Variants in EDIL3 observed in about 807,000 individuals in gnomAD.
EDIL3 encodes EGF-like repeat and discoidin I-like domain-containing protein 3.
A neutral mutation model predicts 67.4 loss-of-function variants in EDIL3; 37 were observed. The ratio of observed to expected loss-of-function variants is 0.55; its 90% confidence interval spans 0.42 to 0.72. The LOEUF (loss-of-function observed/expected upper bound fraction) is 0.72, where lower values mean the gene tolerates loss of function less well. Ranked by LOEUF, EDIL3 falls within the 30% of genes least tolerant of loss-of-function variation. The pLI, the probability that EDIL3 is intolerant of heterozygous loss-of-function variation, is 0.00. For synonymous variants in EDIL3, 195 were observed against 196.3 expected (o/e 0.99, Z 0.05); for missense variants, 527 against 586.3 (o/e 0.90, Z 1.04).
chr5:83,967,088 C>T (rs984190990), intron 9 of EDIL3, among the ~76,000 whole-genome samples: 3 of 151,942 alleles, frequency 2.0e-5, no homozygotes, highest in Non-Finnish European at 4.4e-5. Flanking sequence ...TTTGGGAGGC[C>T]GAGAGGCAGA....
At chr5:84,064,909 C>A in intron 7 of EDIL3, 65 bp from the exon 8 acceptor site, 1 of 1,454,268 alleles carries the variant, frequency 6.9e-7, no homozygotes, top group South Asian at 1.6e-5. Flanking sequence ...ACATATTTAC[C>A]CTATCTATAC....
At chr5:83,996,190 T>C (rs757086389) in intron 9 of EDIL3, among the ~76,000 whole-genome samples, 13 of 152,206 alleles carry the variant, frequency 8.5e-5, no homozygotes, top group East Asian at 1.9e-4. Context: ...TATAATAATA[T>C]TGGACACAAA....
At chr5:84,359,814 G>A (rs1033319215) in intron 1 of EDIL3, among the ~76,000 whole-genome samples, 5 of 152,144 alleles carry the variant, frequency 3.3e-5, no homozygotes, top group Admixed American at 1.3e-4. Context: ...ACAGTCTATG[G>A]GGCAGGTGTA....
chr5:84,184,555 C>T (rs1302040743), intron 3 of EDIL3, among the ~76,000 whole-genome samples: 2 of 152,102 alleles, frequency 1.3e-5, no homozygotes, highest in Non-Finnish European at 2.9e-5. Context: ...CTGCTAAACA[C>T]ACAAGCCTGT....
At chr5:84,252,287 C>A (rs1049979453) in intron 2 of EDIL3, among the ~76,000 whole-genome samples, 1 of 151,802 alleles carries the variant, frequency 6.6e-6, no homozygotes, top group Admixed American at 6.6e-5. Context: ...CTCAGGAAAT[C>A]GAGATCATCC....
intron 3 of EDIL3, among the ~76,000 whole-genome samples, chr5:84,188,753 C>T (rs1743518833): frequency 6.6e-6 from 1 of 152,022 alleles, no homozygotes; most frequent in South Asian, 2.1e-4. Context: ...AGTGATTCTG[C>T]CACACAGAGG....
Position 84,345,775 on chromosome 5 carries a change from T to C in EDIL3, c.67+38533A>G, listed in dbSNP as rs935417632. On this transcript the variant is annotated intron_variant, in intron 1 of 10. Transcript: ENST00000296591. ...TTAACCAAGCATTTTTGCAAAACTT[T>C]CAAAAAAGAAAACGTAGTCAAAGGC... Among the ~76,000 whole-genome samples the C allele has an allele frequency of 5.3e-5, 8 of 152,138 alleles. No homozygotes were observed. The South Asian group carries it at 1.2e-3, about 24-fold the overall frequency.
At chr5:84,127,250 T>C (rs1213576645) in intron 5 of EDIL3, among the ~76,000 whole-genome samples, 1 of 152,110 alleles carries the variant, frequency 6.6e-6, no homozygotes, top group African/African-American at 2.4e-5. Flanking sequence ...TAGTATTGGA[T>C]TTACTGACTT....
chr5:83,966,229 G>A (rs1240691122), intron 9 of EDIL3, among the ~76,000 whole-genome samples: 4 of 152,070 alleles, frequency 2.6e-5, no homozygotes, highest in Non-Finnish European at 4.4e-5. Context: ...TGGCTCATGG[G>A]TAGACATTTG....
chr5:84,310,946 C>T (rs908359480), intron 1 of EDIL3, among the ~76,000 whole-genome samples: 1 of 152,088 alleles, frequency 6.6e-6, no homozygotes, highest in African/African-American at 2.4e-5. Flanking sequence ...CTTTTGCCTG[C>T]TCCTGGATTT....
At chr5:84,030,932 T>C (rs1745909830) in intron 9 of EDIL3, among the ~76,000 whole-genome samples, 3 of 152,016 alleles carry the variant, frequency 2.0e-5, no homozygotes, top group Admixed American at 6.6e-5. Flanking sequence ...AACAACATTT[T>C]TTTTTCTCAC....
intron 9 of EDIL3, among the ~76,000 whole-genome samples, chr5:84,006,111 G>A (rs1347656627): frequency 1.6e-5 from 2 of 126,920 alleles, no homozygotes; most frequent in African/African-American, 3.6e-5. Context: ...AATAATAATA[G>A]TAAAATATCT....
intron 6 of EDIL3, among the ~76,000 whole-genome samples, chr5:84,088,731 G>A (rs1561427606): frequency 6.6e-6 from 1 of 152,068 alleles, no homozygotes; most frequent in East Asian, 1.9e-4. Flanking sequence ...GGGGGAAAAA[G>A]GAGAGCTTGA....
chr5:84,073,887 C>T (rs932717734), intron 6 of EDIL3, among the ~76,000 whole-genome samples: 1 of 152,018 alleles, frequency 6.6e-6, no homozygotes, highest in African/African-American at 2.4e-5. Context: ...CCTGCATTGC[C>T]AAGTCAATCC....
intron 5 of EDIL3, among the ~76,000 whole-genome samples, chr5:84,131,066 C>T (rs1264842911): frequency 6.6e-6 from 1 of 151,792 alleles, no homozygotes; most frequent in Non-Finnish European, 1.5e-5. Flanking sequence ...CTTAAAATCA[C>T]ACATTATGAC....
intron 10 of EDIL3, among the ~76,000 whole-genome samples, chr5:83,946,512 CTT>C (rs1253288378): frequency 6.6e-6 from 1 of 151,916 alleles, no homozygotes; most frequent in Non-Finnish European, 1.5e-5. Context: ...GGTTAACTCT[CTT>C]GTGATGCTGG....
At chr5:84,345,353 C>T (rs1452447832) in intron 1 of EDIL3, among the ~76,000 whole-genome samples, 1 of 152,114 alleles carries the variant, frequency 6.6e-6, no homozygotes, top group Non-Finnish European at 1.5e-5. Context: ...TCAAACTACT[C>T]ATTACCCTTA....
At chr5:84,260,531 T>C (rs1003761447) in intron 1 of EDIL3, among the ~76,000 whole-genome samples, 2 of 152,242 alleles carry the variant, frequency 1.3e-5, no homozygotes, top group Non-Finnish European at 2.9e-5. Flanking sequence ...GCTTACTCTT[T>C]ATATGCAGTA....
Position 84,180,315 on chromosome 5 carries a change from A to C in EDIL3, c.355+78T>G, listed in dbSNP as rs1748992514. ...TTCTGCTCTCAGATTCTATGATTCTACTACAAACAAGAATGATGATGGCTT... is the reference window on the plus strand; with the variant it reads ...TTCTGCTCTCAGATTCTATGATTCTCCTACAAACAAGAATGATGATGGCTT... On this transcript the variant is annotated intron_variant, in intron 4 of 10. Transcript: ENST00000296591. The C allele has an allele frequency of 1.4e-5, 20 of 1,442,712 alleles. 1 individual carries two copies. The South Asian group carries it at 3.1e-4, about 22-fold the overall frequency. 89.4% of individuals were successfully genotyped at this position (1,442,712 alleles called of 1,614,324 possible). A position where few individuals can be genotyped will look rare whatever the true frequency, so the allele number is the denominator to read the frequency against.
Sources: gnomAD v4.1 joint callset for allele counts (sites outside exome capture counted in the v4.1 genomes callset) on GRCh38, gnomAD v4.1.1 for gene constraint, MANE v1.5 for transcripts, NCBI Gene and HGNC (gene_info 2026-07-23, HGNC 2026-07-21) for gene names.